Variants in DNER observed in about 807,000 individuals in gnomAD.
The protein encoded by DNER is delta/notch like EGF repeat containing.
In DNER, 33 loss-of-function variants were observed where a neutral mutation model predicts 78.2. That is an observed-to-expected ratio of 0.42 (90% confidence interval 0.32 to 0.56). The LOEUF is 0.56. Among genes scored for constraint, DNER ranks in the 20% least tolerant of loss-of-function variants. The pLI is 0.11. For missense variants in DNER, 918 were observed against 975.3 expected (o/e 0.94, Z 0.78); for synonymous variants, 417 against 384.8 (o/e 1.08, Z -0.98).
intron 8 of DNER, 91 bp downstream of exon 8, chr2:229,447,225 T>A: frequency 7.8e-7 from 1 of 1,289,654 alleles, no homozygotes. Flanking sequence ...TATTTACAAG[T>A]ATACCAAGAT....
At chr2:229,604,786 T>C (rs1465344) in intron 1 of DNER, among the ~76,000 whole-genome samples, 2,499 of 151,084 alleles carry the variant, frequency 0.017, 77 homozygotes, top group African/African-American at 0.058. Flanking sequence ...CTAAAGTCTT[T>C]GGGTATCCAA....
intron 6 of DNER, among the ~76,000 whole-genome samples, chr2:229,506,213 A>G (rs1695743117): frequency 6.6e-6 from 1 of 152,186 alleles, no homozygotes; most frequent in Non-Finnish European, 1.5e-5. Context: ...GAAACTTACA[A>G]TCATGGAGGA....
At chr2:229,608,155 G>A (rs981658891) in intron 1 of DNER, among the ~76,000 whole-genome samples, 1 of 151,940 alleles carries the variant, frequency 6.6e-6, no homozygotes, top group African/African-American at 2.4e-5. Context: ...CACACACAAT[G>A]AATTCCAGAT....
intron 1 of DNER, among the ~76,000 whole-genome samples, chr2:229,627,260 C>T (rs572688436): frequency 1.1e-4 from 16 of 152,144 alleles, no homozygotes; most frequent in South Asian, 6.2e-4. Context: ...ATGCAGACTG[C>T]GAATATCTGT....
At chr2:229,467,083 C>T (rs1203386271) in intron 7 of DNER, among the ~76,000 whole-genome samples, 1 of 152,124 alleles carries the variant, frequency 6.6e-6, no homozygotes, top group Non-Finnish European at 1.5e-5. Context: ...ATGATGGTGG[C>T]CAGTAGTGAA....
chr2:229,505,358 T>G (rs761713153), intron 6 of DNER, among the ~76,000 whole-genome samples: 5 of 152,096 alleles, frequency 3.3e-5, no homozygotes, highest in African/African-American at 1.2e-4. Flanking sequence ...AGTTATCAGA[T>G]AGATGAGCAA....
intron 5 of DNER, among the ~76,000 whole-genome samples, chr2:229,527,509 T>C (rs997243851): frequency 1.3e-4 from 20 of 152,184 alleles, no homozygotes; most frequent in African/African-American, 4.3e-4. Context: ...GCCATGCCTT[T>C]ATTATACAGG....
chr2:229,562,301 C>T (rs1056476027), intron 4 of DNER, among the ~76,000 whole-genome samples: 9 of 152,150 alleles, frequency 5.9e-5, no homozygotes, highest in African/African-American at 2.2e-4. Context: ...ATCACATCCC[C>T]TTCTCGGTCC....
intron 5 of DNER, among the ~76,000 whole-genome samples, chr2:229,536,376 C>T (rs528678291): frequency 2.0e-5 from 3 of 152,048 alleles, no homozygotes; most frequent in East Asian, 1.9e-4. Flanking sequence ...GAGATGCTCA[C>T]GAAACACTGG....
intron 1 of DNER, among the ~76,000 whole-genome samples, chr2:229,672,939 C>T (rs1699234278): frequency 6.6e-6 from 1 of 152,210 alleles, no homozygotes; most frequent in Non-Finnish European, 1.5e-5. Flanking sequence ...TAGTTCTAGG[C>T]ATGTCTTCAC....
intron 1 of DNER, among the ~76,000 whole-genome samples, chr2:229,630,919 T>C (rs113016068): frequency 0.023 from 3,574 of 152,272 alleles, 123 homozygotes; most frequent in African/African-American, 0.071. Flanking sequence ...GTCAATTCAC[T>C]TAAGATAATG....
chr2:229,550,338 C>T (rs898926574), intron 4 of DNER, among the ~76,000 whole-genome samples: 4 of 151,898 alleles, frequency 2.6e-5, no homozygotes, highest in African/African-American at 4.8e-5. Flanking sequence ...TTTTTTATTT[C>T]GATTATCATA....
chr2:229,652,731 A>C (rs1698842397), intron 1 of DNER, among the ~76,000 whole-genome samples: 1 of 152,202 alleles, frequency 6.6e-6, no homozygotes, highest in Admixed American at 6.5e-5. Flanking sequence ...TCAGCCTCGT[A>C]TCTTGGGTGT....
At chr2:229,645,217 G>C (rs1224043032) in intron 1 of DNER, among the ~76,000 whole-genome samples, 1 of 151,924 alleles carries the variant, frequency 6.6e-6, no homozygotes, top group Non-Finnish European at 1.5e-5. Context: ...ATGTTGCTCA[G>C]GCTAGTCTCA....
intron 5 of DNER, among the ~76,000 whole-genome samples, chr2:229,523,138 G>T (rs1270060270): frequency 1.3e-5 from 2 of 152,168 alleles, no homozygotes; most frequent in Admixed American, 6.5e-5. Context: ...ACCCCCTAAG[G>T]CCTCATCCAC....
At chr2:229,632,649 A>G (rs1421303950) in intron 1 of DNER, among the ~76,000 whole-genome samples, 2 of 152,244 alleles carry the variant, frequency 1.3e-5, no homozygotes, top group Admixed American at 1.3e-4. Flanking sequence ...GAAAGTTCTG[A>G]AAGAATTACA....
At chr2:229,410,656 T>C (rs933869623) in intron 9 of DNER, among the ~76,000 whole-genome samples, 2 of 152,206 alleles carry the variant, frequency 1.3e-5, no homozygotes, top group Non-Finnish European at 2.9e-5. Context: ...AATTCATACT[T>C]TTCGTATTAA....
chr2:229,360,990 T>A (rs1380305634), intron 12 of DNER, among the ~76,000 whole-genome samples: 1 of 152,260 alleles, frequency 6.6e-6, no homozygotes, highest in Admixed American at 6.5e-5. Flanking sequence ...TACTAGCTGC[T>A]GAGAACTTTG....
chr2:229,567,898 GATC>G (rs1417953618), intron 4 of DNER, among the ~76,000 whole-genome samples: 1 of 152,132 alleles, frequency 6.6e-6, no homozygotes, highest in Non-Finnish European at 1.5e-5. Flanking sequence ...ACCGCTATCT[GATC>G]ATCAATTCTT....
Sources: gnomAD v4.1 joint callset for allele counts (sites outside exome capture counted in the v4.1 genomes callset) on GRCh38, gnomAD v4.1.1 for gene constraint, MANE v1.5 for transcripts, NCBI Gene and HGNC (gene_info 2026-07-23, HGNC 2026-07-21) for gene names.